Variants in ATG10 observed in about 807,000 individuals in gnomAD.
ATG10 encodes ubiquitin-like-conjugating enzyme ATG10.
Under a neutral mutation model 32.1 loss-of-function variants are expected in ATG10, and 30 were observed. The ratio of observed to expected loss-of-function variants is 0.94; its 90% CI spans 0.70 to 1.27. The LOEUF (loss-of-function observed/expected upper bound fraction) is 1.27. ATG10 is among the 50% of genes most tolerant of loss of function. The pLI is 0.00. For synonymous variants in ATG10, 87 were observed against 91.5 expected, an observed-to-expected ratio of 0.95 and a Z score of 0.28; for missense variants, 233 against 262.3, an observed-to-expected ratio of 0.89 and a Z score of 0.77.
rs564602356 is a variant in ATG10, at chr5:82,081,655, T to A, written c.216+23053T>A. On this transcript the variant is annotated intron_variant, in intron 3 of 7. Coordinates refer to ENST00000282185, the MANE Select transcript of ATG10 (RefSeq NM_031482.5). ...CTTTGGTTCTGTTTATATGCTGGAT[T>A]ACGTTTATTGATTTGCGTATGTTGA... Among the ~76,000 whole-genome samples, 11 of 152,342 alleles carry A rather than the reference T, an allele frequency of 7.2e-5. No individual in the cohort carries two copies. The East Asian group carries it at 1.7e-3, about 24-fold the overall frequency.
At chr5:82,056,231 T>C (rs1581642788) in intron 2 of ATG10, among the ~76,000 whole-genome samples, 1 of 152,260 alleles carries the variant, frequency 6.6e-6, no homozygotes, top group African/African-American at 2.4e-5. Context: ...TGGTTGCAAG[T>C]GACAGAAAAC....
intron 1 of ATG10, among the ~76,000 whole-genome samples, chr5:81,974,875 C>G (rs1389990110): frequency 1.4e-5 from 2 of 145,270 alleles, no homozygotes; most frequent in Non-Finnish European, 3.2e-5. Context: ...CTTTACTGGT[C>G]TACCTCATTT....
rs372505337 is a variant in ATG10, at chr5:82,083,948, C to T, written c.216+25346C>T. Among the ~76,000 whole-genome samples, 17 of 152,260 alleles carry T rather than the reference C, an allele frequency of 1.1e-4. No individual in the cohort carries two copies. The East Asian group carries it at 1.2e-3, about 10-fold the overall frequency. On this transcript the variant is annotated intron_variant, in intron 3 of 7. Coordinates refer to ENST00000282185, the MANE Select transcript of ATG10 (RefSeq NM_031482.5). ...CCTCCAAAGGAATGCAGCTCCTTGCCAGCAACGGAACAAAGCTGGATGGAG... is the reference window on the plus strand; with the variant it reads ...CCTCCAAAGGAATGCAGCTCCTTGCTAGCAACGGAACAAAGCTGGATGGAG...
chr5:82,101,136 T>A (rs1765257146), intron 3 of ATG10, among the ~76,000 whole-genome samples: 1 of 152,168 alleles, frequency 6.6e-6, no homozygotes, highest in Non-Finnish European at 1.5e-5. Flanking sequence ...AAGTTCCTAA[T>A]TAAGTTGTGG....
intron 2 of ATG10, among the ~76,000 whole-genome samples, chr5:82,040,535 A>C (rs1280584735): frequency 6.6e-6 from 1 of 152,204 alleles, no homozygotes; most frequent in Non-Finnish European, 1.5e-5. Context: ...GGGAAAAACT[A>C]TTGGCAAGGA....
chr5:82,098,181 G>T (rs1418803711), intron 3 of ATG10, among the ~76,000 whole-genome samples: 1 of 151,972 alleles, frequency 6.6e-6, no homozygotes, highest in East Asian at 1.9e-4. Flanking sequence ...ACATAGGAAT[G>T]AAACATTTAA....
intron 3 of ATG10, among the ~76,000 whole-genome samples, chr5:82,076,835 A>C (rs930512127): frequency 6.6e-6 from 1 of 152,180 alleles, no homozygotes; most frequent in Non-Finnish European, 1.5e-5. Context: ...TTTCCTTATA[A>C]ATATTGAGAT....
chr5:82,228,296 C>CTT (rs1746217715), intron 5 of ATG10, among the ~76,000 whole-genome samples: 3 of 151,652 alleles, frequency 2.0e-5, no homozygotes, highest in Non-Finnish European at 4.4e-5. Context: ...AAATATTTTA[C>CTT]TTTATATATT....
chr5:81,993,729 G>A (rs1761577543), intron 2 of ATG10, among the ~76,000 whole-genome samples: 1 of 151,950 alleles, frequency 6.6e-6, no homozygotes, highest in African/African-American at 2.4e-5. Context: ...CCCAGCCTTA[G>A]CCTGGTTTCT....
intron 4 of ATG10, among the ~76,000 whole-genome samples, chr5:82,175,313 A>G (rs763137423): frequency 5.3e-5 from 8 of 152,130 alleles, no homozygotes; most frequent in Non-Finnish European, 1.0e-4. Flanking sequence ...CCTTCCCTAT[A>G]TAGCCACATT....
intron 5 of ATG10, among the ~76,000 whole-genome samples, chr5:82,236,504 G>A (rs747137605): frequency 2.6e-5 from 4 of 152,136 alleles, no homozygotes; most frequent in Non-Finnish European, 4.4e-5. Context: ...CCCAGGGAGG[G>A]AGCCCTTTGT....
At position 82,235,461 on chromosome 5, in the gene ATG10, G is replaced by A. The variant is rs190773070; in HGVS notation, c.454-17101G>A. ...ATCTTTAATCTGACATCCTTCTTGG[G>A]ATTCTTCTCTATATCTTTGGACTAG... On this transcript the variant is annotated intron_variant, in intron 5 of 7. Coordinates refer to ENST00000282185, the MANE Select transcript of ATG10 (RefSeq NM_031482.5). Among the ~76,000 whole-genome samples, 354 of 152,200 alleles carry A rather than the reference G, an allele frequency of 2.3e-3. 2 individuals carry two copies. The highest frequency in any genetic ancestry group is 4.1e-3 in the Non-Finnish European group (279 of 68,002).
intron 2 of ATG10, among the ~76,000 whole-genome samples, chr5:82,036,928 C>T (rs908198737): frequency 1.3e-5 from 2 of 151,524 alleles, no homozygotes; most frequent in African/African-American, 4.8e-5. Flanking sequence ...GTCAAGAGAT[C>T]GAGACCATCC....
chr5:82,193,246 G>A (rs1744726856), intron 5 of ATG10, among the ~76,000 whole-genome samples: 1 of 152,162 alleles, frequency 6.6e-6, no homozygotes, highest in Admixed American at 6.5e-5. Flanking sequence ...AGTTCATCTA[G>A]AATTGGATAG....
intron 3 of ATG10, among the ~76,000 whole-genome samples, chr5:82,098,308 G>T (rs10064577): frequency 0.013 from 1,560 of 115,644 alleles, 33 homozygotes; most frequent in African/African-American, 0.046. Flanking sequence ...TTGTTGTTGG[G>T]TTTTTTTTTT....
At chr5:82,149,417 G>A (rs1427248486) in intron 3 of ATG10, among the ~76,000 whole-genome samples, 2 of 151,428 alleles carry the variant, frequency 1.3e-5, no homozygotes, top group Non-Finnish European at 2.9e-5. Context: ...TCTAACACAT[G>A]GACCCCAAAC....
intron 5 of ATG10, among the ~76,000 whole-genome samples, chr5:82,219,288 G>C (rs780845344): frequency 6.6e-6 from 1 of 152,134 alleles, no homozygotes. Context: ...GGTCACATTT[G>C]AGTTTATTTT....
intron 5 of ATG10, among the ~76,000 whole-genome samples, chr5:82,192,393 T>C (rs1561349600): frequency 6.6e-6 from 1 of 152,226 alleles, no homozygotes; most frequent in Non-Finnish European, 1.5e-5. Flanking sequence ...GAGAATAGAT[T>C]CTGGTTTTTG....
At chr5:82,084,226 G>A (rs879860318) in intron 3 of ATG10, among the ~76,000 whole-genome samples, 1 of 152,180 alleles carries the variant, frequency 6.6e-6, no homozygotes, top group Non-Finnish European at 1.5e-5. Flanking sequence ...GGAAGAAAGG[G>A]TATCAGTGAT....
Sources: allele counts gnomAD v4.1 joint callset (sites outside exome capture counted in the v4.1 genomes callset), GRCh38; gene constraint gnomAD v4.1.1; transcripts MANE v1.5; gene names NCBI Gene and HGNC (gene_info 2026-07-23, HGNC 2026-07-21).